The following DISC1 variants were observed in gnomAD, a reference collection of about 807,000 sequenced individuals.
DISC1 encodes DISC1 scaffold protein.
In DISC1, 57 loss-of-function variants were observed where a neutral mutation model predicts 84.5. The ratio of observed to expected loss-of-function variants is 0.67; its 90% CI spans 0.55 to 0.84. The LOEUF is 0.84. DISC1 is among the 40% of genes least tolerant of loss of function. The pLI is 0.00. For missense variants in DISC1, 1,000 were observed against 1,057.8 expected, an observed-to-expected ratio of 0.95 and a Z score of 0.76; for synonymous variants, 411 against 415.2, an observed-to-expected ratio of 0.99 and a Z score of 0.12.
At chr1:231,920,335 G>A (rs758733179) in intron 9 of DISC1, among the ~76,000 whole-genome samples, 2 of 152,158 alleles carry the variant, frequency 1.3e-5, no homozygotes, top group Non-Finnish European at 2.9e-5. Flanking sequence ...CATTCACATT[G>A]TTGTGCAAAC....
chr1:231,820,947 G>A (rs2081448750), intron 9 of DISC1, among the ~76,000 whole-genome samples: 1 of 152,170 alleles, frequency 6.6e-6, no homozygotes, highest in African/African-American at 2.4e-5. Flanking sequence ...CTCGTACAGA[G>A]ACCTTTTAAT....
rs918889603 is a variant in DISC1 at position 231,817,624 on chromosome 1, T to G, written c.1793-705T>G. Among the ~76,000 whole-genome samples the G allele has an allele frequency of 2.5e-4, 38 of 152,354 alleles. 1 individual carries two copies. Among genetic ancestry groups the G allele is most frequent in the East Asian group, 7.7e-4 (4 of 5,196 alleles). On this transcript the variant is annotated intron_variant, in intron 8 of 12. Transcript: ENST00000439617. ...TGCACATATTTAAAGAAAGTATCCC[T>G]CAGTATTATGAGATTTAAAATATTT... is the stretch of plus-strand genomic sequence containing the variant.
chr1:231,808,188 T>C lies in DISC1; in HGVS notation c.1792+7978T>C, dbSNP rs568482112. 2.0e-5 allele frequency among the ~76,000 whole-genome samples: 3 copies of C among 152,182 alleles called. No homozygotes were observed. In the South Asian group the frequency reaches 6.2e-4, roughly 31 times the overall value. On this transcript the variant is annotated intron_variant, in intron 8 of 12. Coordinates refer to ENST00000439617, the MANE Select transcript of DISC1 (RefSeq NM_018662.3). Reference sequence around the variant, plus strand: ...ACCAAATTCCTTCGGTCAGAATCTCTAGGGATTTTTCCTGAATATAGGAAC... The same window carrying C: ...ACCAAATTCCTTCGGTCAGAATCTCCAGGGATTTTTCCTGAATATAGGAAC...
intron 12 of DISC1, among the ~76,000 whole-genome samples, chr1:232,026,994 G>A (rs369835315): frequency 7.2e-5 from 11 of 151,848 alleles, no homozygotes; most frequent in Non-Finnish European, 1.2e-4. Context: ...CAAGTGATCC[G>A]CCCGCCTTGG....
intron 11 of DISC1, among the ~76,000 whole-genome samples, chr1:232,019,662 T>C (rs1368931566): frequency 6.6e-6 from 1 of 152,166 alleles, no homozygotes; most frequent in Non-Finnish European, 1.5e-5. Flanking sequence ...GTGGACATGG[T>C]TCAGAATATG....
At chr1:231,707,114 C>T (rs2067182526) in intron 3 of DISC1, among the ~76,000 whole-genome samples, 1 of 152,182 alleles carries the variant, frequency 6.6e-6, no homozygotes, top group African/African-American at 2.4e-5. Context: ...TTCTTATATC[C>T]TCAGGACTGC....
chr1:231,887,244 C>A (rs1245152435), intron 9 of DISC1, among the ~76,000 whole-genome samples: 1 of 152,164 alleles, frequency 6.6e-6, no homozygotes, highest in Non-Finnish European at 1.5e-5. Flanking sequence ...CTGGTTCCTT[C>A]TTGAAGCAAC....
At chr1:231,853,805 G>T (rs1309067816) in intron 9 of DISC1, among the ~76,000 whole-genome samples, 1 of 152,240 alleles carries the variant, frequency 6.6e-6, no homozygotes, top group Non-Finnish European at 1.5e-5. Context: ...TACAGCAGCT[G>T]CCTTGTCCTG....
intron 12 of DISC1, among the ~76,000 whole-genome samples, chr1:232,033,142 C>G (rs1305663779): frequency 6.6e-6 from 1 of 152,222 alleles, no homozygotes; most frequent in Non-Finnish European, 1.5e-5. Flanking sequence ...ACCAAAAACA[C>G]CAAACGCTCA....
Position 231,954,935 on chromosome 1 carries a change from T to C in DISC1, c.1982-3893T>C, listed in dbSNP as rs1165138124. Among the ~76,000 whole-genome samples, 1 of 152,160 alleles carries C rather than the reference T, an allele frequency of 6.6e-6. No individual in the cohort carries two copies. Among genetic ancestry groups the C allele is most frequent in the Non-Finnish European group, 1.5e-5 (1 of 68,032 alleles). On this transcript the variant is annotated intron_variant, in intron 9 of 12. Coordinates refer to ENST00000439617, the MANE Select transcript of DISC1 (RefSeq NM_018662.3). This position sits in a 1 kb window ranked among gnomAD's most constrained non-coding sequence, Gnocchi z 4.8. The stretch of plus-strand genomic sequence containing the variant: ...ATAGCATTCTCCTTAGATGGCAGCC[T>C]CCAGGCAAGAAGAAAAGCCCATGGC...
intron 9 of DISC1, among the ~76,000 whole-genome samples, chr1:231,928,386 T>A (rs1273878251): frequency 6.6e-6 from 1 of 152,244 alleles, no homozygotes; most frequent in African/African-American, 2.4e-5. Context: ...ATAGGCATCC[T>A]CAGTATGGAA....
chr1:231,639,030 A>T (rs1386814145), intron 1 of DISC1, among the ~76,000 whole-genome samples: 1 of 152,238 alleles, frequency 6.6e-6, no homozygotes, highest in Non-Finnish European at 1.5e-5. Flanking sequence ...GCTTTAAAAC[A>T]GCATGTGTAA....
intron 12 of DISC1, among the ~76,000 whole-genome samples, chr1:232,027,681 T>G (rs1669607523): frequency 6.6e-6 from 1 of 152,222 alleles, no homozygotes; most frequent in Admixed American, 6.5e-5. Context: ...ATCTTTCTAT[T>G]CAGTAGAATG....
At chr1:231,833,704 C>G (rs930104785) in intron 9 of DISC1, among the ~76,000 whole-genome samples, 1 of 152,196 alleles carries the variant, frequency 6.6e-6, no homozygotes, top group Non-Finnish European at 1.5e-5. Context: ...CCTGGAGGAA[C>G]TCCTGGTCAC....
rs1246011799 is a variant in DISC1, at chr1:232,041,160, G to A, written c.*4329G>A. 6.6e-6 allele frequency: 1 copy of A among 152,154 alleles called. No individual in the cohort carries two copies. Among genetic ancestry groups the A allele is most frequent in the Non-Finnish European group, 1.5e-5 (1 of 68,042 alleles). 9.4% of individuals were successfully genotyped at this position (152,154 alleles called of 1,614,324 possible). ...TCTTGATGATTTTTTGTCCTTTGAA[G>A]TATGGATGATAGAAAAATGTATCAG... On this transcript the variant is annotated 3_prime_UTR_variant, in exon 13 of 13. Coordinates refer to ENST00000439617, the MANE Select transcript of DISC1 (RefSeq NM_018662.3).
intron 10 of DISC1, among the ~76,000 whole-genome samples, chr1:231,996,324 G>A (rs1373353876): frequency 6.6e-6 from 1 of 152,096 alleles, no homozygotes; most frequent in Admixed American, 6.6e-5. Flanking sequence ...TTCTTTTGCT[G>A]TGCAGAAGCT....
At chr1:231,711,525 A>G (rs77400317) in intron 3 of DISC1, among the ~76,000 whole-genome samples, 4 of 150,332 alleles carry the variant, frequency 2.7e-5, no homozygotes, top group Admixed American at 2.6e-4. Context: ...ATGCCTGGCT[A>G]ATTTTTTTTT....
chr1:231,903,047 C>T (rs2088314091), intron 9 of DISC1, among the ~76,000 whole-genome samples: 1 of 150,936 alleles, frequency 6.6e-6, no homozygotes, highest in Admixed American at 6.7e-5. Flanking sequence ...TCCTCTTCCT[C>T]CTCCACCTTT....
intron 6 of DISC1, among the ~76,000 whole-genome samples, chr1:231,785,269 A>G (rs2077760524): frequency 6.8e-6 from 1 of 146,596 alleles, no homozygotes. Flanking sequence ...TTATTTATTT[A>G]TTTATTTATT....
Sources: allele counts gnomAD v4.1 joint callset (sites outside exome capture counted in the v4.1 genomes callset), GRCh38; gene constraint gnomAD v4.1.1; non-coding constraint Gnocchi (gnomAD v3.1); transcripts MANE v1.5; gene names NCBI Gene and HGNC (gene_info 2026-07-23, HGNC 2026-07-21).